The following CADM2 variants were observed in gnomAD, a reference collection of about 807,000 sequenced individuals.
CADM2 encodes immunoglobulin superfamily member 4D.
Under a neutral mutation model 49.8 loss-of-function variants are expected in CADM2, and 12 were observed. The ratio of observed to expected loss-of-function variants is 0.24; its 90% confidence interval spans 0.15 to 0.39. CADM2 has a LOEUF of 0.39. Ranked by LOEUF, CADM2 falls within the 10% of genes least tolerant of loss-of-function variation. The pLI, the probability that CADM2 is intolerant of heterozygous loss-of-function variation, is 1.00. For synonymous variants in CADM2, 214 were observed against 175.4 expected, an observed-to-expected ratio of 1.22 and a Z score of -1.74; for missense variants, 378 against 492.3, an observed-to-expected ratio of 0.77 and a Z score of 2.20.
At chr3:84,964,586 A>G (rs1259065637) in intron 1 of CADM2, among the ~76,000 whole-genome samples, 1 of 152,192 alleles carries the variant, frequency 6.6e-6, no homozygotes, top group Admixed American at 6.5e-5. Flanking sequence ...GGAAGTAGAG[A>G]GAAGGAAAAT....
intron 8 of CADM2, among the ~76,000 whole-genome samples, chr3:86,044,610 G>A (rs899074808): frequency 1.3e-5 from 2 of 152,168 alleles, no homozygotes; most frequent in Non-Finnish European, 2.9e-5. Flanking sequence ...TACACTGTTG[G>A]TGGGACTGCA....
intron 1 of CADM2, among the ~76,000 whole-genome samples, chr3:85,455,156 C>T (rs2037934146): frequency 1.3e-5 from 2 of 152,092 alleles, no homozygotes; most frequent in South Asian, 2.1e-4. Flanking sequence ...GGATAATCTA[C>T]CTCATTAAAT....
At chr3:85,550,411 T>A (rs1286905570) in intron 1 of CADM2, among the ~76,000 whole-genome samples, 6 of 152,164 alleles carry the variant, frequency 3.9e-5, no homozygotes, top group Non-Finnish European at 8.8e-5. Context: ...AACAGCAGAA[T>A]GGCAATACCT....
At chr3:85,177,498 A>G (rs1049519964) in intron 1 of CADM2, among the ~76,000 whole-genome samples, 37 of 152,066 alleles carry the variant, frequency 2.4e-4, no homozygotes, top group South Asian at 2.1e-4. Flanking sequence ...TGATCATATA[A>G]TATCTTAAAA....
intron 1 of CADM2, among the ~76,000 whole-genome samples, chr3:85,566,341 T>A (rs75091435): frequency 1.3e-5 from 2 of 152,090 alleles, no homozygotes; most frequent in African/African-American, 4.8e-5. Flanking sequence ...ATTTTTTTTT[T>A]ACATAGTAAC....
At chr3:85,938,783 G>A in intron 7 of CADM2, among the ~76,000 whole-genome samples, 1 of 151,808 alleles carries the variant, frequency 6.6e-6, no homozygotes, top group Non-Finnish European at 1.5e-5. Flanking sequence ...GTATAGCTTA[G>A]TATAAGTAAG....
intron 1 of CADM2, among the ~76,000 whole-genome samples, chr3:84,979,789 C>T (rs747591185): frequency 4.6e-5 from 7 of 151,560 alleles, no homozygotes; most frequent in East Asian, 1.9e-4. Context: ...TAAAATTAAA[C>T]GTGGTGAAAT....
At chr3:85,156,362 T>A (rs1559694058) in intron 1 of CADM2, among the ~76,000 whole-genome samples, 2 of 152,022 alleles carry the variant, frequency 1.3e-5, no homozygotes, top group African/African-American at 4.8e-5. Context: ...ACAAATAAAC[T>A]AGAAAATCTA....
At chr3:85,907,734 A>G (rs1257121519) in intron 5 of CADM2, among the ~76,000 whole-genome samples, 42 of 152,082 alleles carry the variant, frequency 2.8e-4, no homozygotes, top group Admixed American at 2.8e-3. Context: ...AAAGTGGCGA[A>G]ACTCCGTCTC....
At chr3:85,316,421 G>T (rs1454811331) in intron 1 of CADM2, among the ~76,000 whole-genome samples, 3 of 152,098 alleles carry the variant, frequency 2.0e-5, no homozygotes, top group Non-Finnish European at 4.4e-5. Context: ...ATGAGAGATT[G>T]GCTGAGTGTT....
At chr3:85,776,700 T>C (rs893943538) in intron 2 of CADM2, among the ~76,000 whole-genome samples, 2 of 152,152 alleles carry the variant, frequency 1.3e-5, no homozygotes, top group Non-Finnish European at 2.9e-5. Context: ...CACAGAAATG[T>C]AATATTTCAA....
intron 1 of CADM2, among the ~76,000 whole-genome samples, chr3:85,217,818 T>A (rs1346561071): frequency 6.6e-6 from 1 of 152,114 alleles, no homozygotes; most frequent in Non-Finnish European, 1.5e-5. Flanking sequence ...AAGCAATTAT[T>A]TAAATGTAAC....
chr3:85,468,153 C>CAAAAAAAAAA (rs57721920), intron 1 of CADM2, among the ~76,000 whole-genome samples: 14 of 55,346 alleles, frequency 2.5e-4, no homozygotes, highest in African/African-American at 1.2e-3. Flanking sequence ...GACTCCGTCT[C>CAAAAAAAAAA]AAAAAAAAAA....
At chr3:85,575,321 G>T (rs1232495685) in intron 1 of CADM2, among the ~76,000 whole-genome samples, 1 of 152,196 alleles carries the variant, frequency 6.6e-6, no homozygotes, top group Non-Finnish European at 1.5e-5. Flanking sequence ...GTAGGCCAAG[G>T]TGGGTGGATC....
chr3:84,994,276 A>G (rs1230250952), intron 1 of CADM2, among the ~76,000 whole-genome samples: 1 of 152,148 alleles, frequency 6.6e-6, no homozygotes, highest in Admixed American at 6.5e-5. Context: ...ATTTTCACCA[A>G]TTTTTGAAGT....
chr3:85,948,519 G>A (rs1012171724), intron 7 of CADM2, among the ~76,000 whole-genome samples: 2 of 151,270 alleles, frequency 1.3e-5, no homozygotes, highest in Admixed American at 1.3e-4. Flanking sequence ...CTTTAGAGAT[G>A]TGCTATTATT....
At chr3:85,836,473 T>C (rs1486874225) in intron 3 of CADM2, among the ~76,000 whole-genome samples, 1 of 151,590 alleles carries the variant, frequency 6.6e-6, no homozygotes, top group Non-Finnish European at 1.5e-5. Context: ...CTTCAATCAA[T>C]AGTGGAGGTC....
intron 1 of CADM2, among the ~76,000 whole-genome samples, chr3:85,263,604 C>T (rs377562633): frequency 6.6e-6 from 1 of 152,090 alleles, no homozygotes; most frequent in East Asian, 1.9e-4. Flanking sequence ...AGTGCCAGTG[C>T]TCTTCCACAC....
chr3:86,035,904 G>C (rs569095101), intron 8 of CADM2, among the ~76,000 whole-genome samples: 1 of 152,110 alleles, frequency 6.6e-6, no homozygotes. Context: ...AATTCTTGCT[G>C]AGGGTCATCT....
Sources: gnomAD v4.1 joint callset for allele counts (sites outside exome capture counted in the v4.1 genomes callset) on GRCh38, gnomAD v4.1.1 for gene constraint, MANE v1.5 for transcripts, NCBI Gene and HGNC (gene_info 2026-07-23, HGNC 2026-07-21) for gene names.